PHLPP2: variants seen among roughly 807,000 people sequenced by gnomAD.
The protein encoded by PHLPP2 is PH domain leucine-rich repeat-containing protein phosphatase 2.
In PHLPP2, 66 loss-of-function variants were observed where a neutral mutation model predicts 124.9. The ratio of observed to expected loss-of-function variants is 0.53; its 90% CI spans 0.43 to 0.65. The LOEUF (loss-of-function observed/expected upper bound fraction) is 0.65, where lower values mean the gene tolerates loss of function less well. Among genes scored for constraint, PHLPP2 ranks in the 30% least tolerant of loss-of-function variants. The pLI is 0.00. For missense variants in PHLPP2, 1,685 were observed against 1,600.4 expected, an observed-to-expected ratio of 1.05 and a Z score of -0.90; for synonymous variants, 681 against 624.7, an observed-to-expected ratio of 1.09 and a Z score of -1.34.
chr16:71,679,023 G>A, intron 7 of PHLPP2, 38 bp from the exon 8 acceptor site: 1 of 1,125,352 alleles, frequency 8.9e-7, no homozygotes, highest in African/African-American at 1.5e-5. Flanking sequence ...CTTTATGAAA[G>A]GTTTCACTGG....
intron 3 of PHLPP2, among the ~76,000 whole-genome samples, chr16:71,699,736 C>T (rs1166458793): frequency 6.6e-6 from 1 of 152,208 alleles, no homozygotes; most frequent in Non-Finnish European, 1.5e-5. Flanking sequence ...GACCTGGTAA[C>T]ACATTGCCGT....
chr16:71,685,464 A>T (rs1010725895), intron 4 of PHLPP2, among the ~76,000 whole-genome samples: 2 of 152,228 alleles, frequency 1.3e-5, no homozygotes, highest in Non-Finnish European at 2.9e-5. Flanking sequence ...ACAGCTTGGC[A>T]AATCAGATGG....
chr16:71,691,271 G>A (rs1001050479), intron 3 of PHLPP2, among the ~76,000 whole-genome samples: 4 of 151,932 alleles, frequency 2.6e-5, no homozygotes, highest in Non-Finnish European at 5.9e-5. Context: ...TGGCTAGCAC[G>A]GTGAAACCCC....
At chr16:71,688,294 T>A (rs2045072962) in intron 4 of PHLPP2, among the ~76,000 whole-genome samples, 1 of 152,226 alleles carries the variant, frequency 6.6e-6, no homozygotes, top group South Asian at 2.1e-4. Flanking sequence ...TGAACAAAAT[T>A]CTATTAGCAA....
rs1358966265 is a variant in PHLPP2 at position 71,644,954 on chromosome 16, CTTTAT to C, written c.*3931_*3935del. Reference sequence around the variant, plus strand: ...AAACAAAGCCATGAAAAAGATTCCACTTTATTTTATTTATTATTGTTATTGTTATT... The same window carrying C: ...AAACAAAGCCATGAAAAAGATTCCACTTTATTTATTATTGTTATTGTTATT... On this transcript the variant is annotated 3_prime_UTR_variant, in exon 19 of 19. Transcript: ENST00000568954. 4.2e-5 allele frequency: 13 copies of C among 311,520 alleles called. No homozygotes were observed. Among genetic ancestry groups the C allele is most frequent in the Non-Finnish European group, 5.7e-5 (9 of 158,014 alleles). 19.3% of individuals were successfully genotyped at this position (311,520 alleles called of 1,614,324 possible). A position where few individuals can be genotyped will look rare whatever the true frequency, so the allele number is the denominator to read the frequency against.
At chr16:71,723,408 C>T (rs1194608025) in intron 1 of PHLPP2, 1 of 152,580 alleles carries the variant, frequency 6.6e-6, no homozygotes, top group Non-Finnish European at 1.5e-5. Flanking sequence ...TCCGAGCCCT[C>T]CGGAGCCGGC....
Position 71,656,565 on chromosome 16 carries a change from A to G in PHLPP2, c.2390+6T>C, listed in dbSNP as rs1290146701. Reference sequence around the variant, plus strand: ...CTTTCTCAGTCTCCATGGCCAATATACTCACTTATTTCTCTGCCCTGCCAT... The same window carrying G: ...CTTTCTCAGTCTCCATGGCCAATATGCTCACTTATTTCTCTGCCCTGCCAT... On this transcript the variant is annotated splice_donor_region_variant and intron_variant, in intron 16 of 18. Coordinates refer to ENST00000568954, the MANE Select transcript of PHLPP2 (RefSeq NM_015020.3). 1 of 1,552,384 alleles carries G rather than the reference A, an allele frequency of 6.4e-7. No homozygotes were observed. The highest frequency in any genetic ancestry group is 1.1e-5 in the South Asian group (1 of 89,756).
At chr16:71,693,090 A>G (rs2045131455) in intron 3 of PHLPP2, among the ~76,000 whole-genome samples, 1 of 152,160 alleles carries the variant, frequency 6.6e-6, no homozygotes, top group Non-Finnish European at 1.5e-5. Context: ...GAAGTTCAAG[A>G]CCAGCCTGAC....
chr16:71,721,204 G>A (rs1483254273), intron 1 of PHLPP2, among the ~76,000 whole-genome samples: 1 of 151,542 alleles, frequency 6.6e-6, no homozygotes, highest in Non-Finnish European at 1.5e-5. Flanking sequence ...AAAAAAAAAC[G>A]TGCCTATGAT....
chr16:71,679,750 C>T (rs747373171), intron 6 of PHLPP2, among the ~76,000 whole-genome samples: 4 of 152,262 alleles, frequency 2.6e-5, no homozygotes, highest in South Asian at 2.1e-4. Context: ...AAGGAAACCA[C>T]GTCTAGCATT....
intron 10 of PHLPP2, among the ~76,000 whole-genome samples, chr16:71,671,912 TCAAA>T (rs34858116): frequency 0.036 from 5,491 of 151,528 alleles, 325 homozygotes; most frequent in African/African-American, 0.13. Context: ...AGACTCCGTC[TCAAA>T]CAAACAAACA....
intron 17 of PHLPP2, among the ~76,000 whole-genome samples, chr16:71,654,354 C>G (rs2044724506): frequency 6.6e-6 from 1 of 152,066 alleles, no homozygotes; most frequent in East Asian, 1.9e-4. Context: ...TTAGGTTATA[C>G]AGATGTCCTC....
At position 71,658,749 on chromosome 16, in the gene PHLPP2, G is replaced by A. The variant is rs1427646946; in HGVS notation, c.2052C>T (p.Pro684=). The change falls in exon 14 of 19, where the codon CCC becomes CCT. Residue 684 remains proline, a synonymous_variant. Coordinates refer to ENST00000568954, the MANE Select transcript of PHLPP2 (RefSeq NM_015020.3). ...GCCTTTTACAGTTTGCTATGGTTGT[G>A]GGAATGGTTTTAAGCTTGTTGCCAC... ...NLSGNKLKTI[P]TTIANCKRLH... 6.2e-7 allele frequency: 1 copy of A among 1,613,974 alleles called. No homozygotes were observed. Among genetic ancestry groups the A allele is most frequent in the Non-Finnish European group, 8.5e-7 (1 of 1,179,996 alleles).
At chr16:71,723,735 G>T in intron 1 of PHLPP2, 1 of 1,036,300 alleles carries the variant, frequency 9.6e-7, no homozygotes, top group Non-Finnish European at 1.3e-6. Context: ...CCGCTCGCCC[G>T]CTCGCTCGCT....
intron 15 of PHLPP2, 23 bp from the exon 16 acceptor site, chr16:71,656,704 A>T (rs766932650): frequency 1.2e-5 from 16 of 1,337,072 alleles, no homozygotes; most frequent in Non-Finnish European, 1.6e-5. Context: ...AAGGAAGATT[A>T]AACCATATAT....
At chr16:71,723,516 C>T in intron 1 of PHLPP2, 1 of 167,536 alleles carries the variant, frequency 6.0e-6, no homozygotes, top group East Asian at 1.7e-4. Context: ...GCGAGGCGGG[C>T]GGCGCGCGGC....
At chr16:71,697,064 A>G (rs2045178883) in intron 3 of PHLPP2, among the ~76,000 whole-genome samples, 1 of 151,918 alleles carries the variant, frequency 6.6e-6, no homozygotes, top group Admixed American at 6.6e-5. Context: ...CCAGTCACTC[A>G]GGAGGCTGAG....
chr16:71,708,561 C>T (rs543203161), intron 2 of PHLPP2, among the ~76,000 whole-genome samples: 5 of 152,248 alleles, frequency 3.3e-5, no homozygotes, highest in South Asian at 2.1e-4. Flanking sequence ...TCTCTTCGCA[C>T]GGATGTCCCT....
chr16:71,689,716 T>C (rs902656840), intron 4 of PHLPP2, among the ~76,000 whole-genome samples: 1 of 151,908 alleles, frequency 6.6e-6, no homozygotes, highest in South Asian at 2.1e-4. Flanking sequence ...GTCTTGCTAA[T>C]GTTGCTCAGG....
Sources: gnomAD v4.1 joint callset for allele counts (sites outside exome capture counted in the v4.1 genomes callset) on GRCh38, gnomAD v4.1.1 for gene constraint, MANE v1.5 for transcripts, NCBI Gene and HGNC (gene_info 2026-07-23, HGNC 2026-07-21) for gene names.